The following ICAM2 variants were observed in gnomAD, a reference collection of about 807,000 sequenced individuals.
ICAM2 encodes ICAM-2.
A neutral mutation model predicts 19.1 loss-of-function variants in ICAM2; 14 were observed. The observed-to-expected ratio is 0.73, with a 90% CI of 0.48 to 1.15. The LOEUF (loss-of-function observed/expected upper bound fraction) is 1.15, where lower values mean the gene tolerates loss of function less well. ICAM2 is among the 50% of genes most tolerant of loss of function. The pLI is 0.00. For synonymous variants in ICAM2, 153 were observed against 152.7 expected (o/e 1.00, Z -0.01); for missense variants, 311 against 355.4 (o/e 0.88, Z 1.00).
Position 64,014,572 on chromosome 17 carries a change from AAAGG to A in ICAM2, c.-45+5947_-45+5950del, listed in dbSNP as rs767997641. 9.2e-3 allele frequency among the ~76,000 whole-genome samples: 1,298 copies of A among 140,770 alleles called. 18 individuals carry two copies. The highest frequency in any genetic ancestry group is 0.024 in the African/African-American group (916 of 38,076). 92.4% of individuals were successfully genotyped at this position (140,770 alleles called of 152,430 possible). A position where few individuals can be genotyped will look rare whatever the true frequency, so the allele number is the denominator to read the frequency against. On this transcript the variant is annotated intron_variant, in intron 1 of 4. Coordinates refer to ENST00000579788, the MANE Select transcript of ICAM2 (RefSeq NM_001099789.2). ...GGAAGGAAGAAAGAAAGAGAGAGAG[AAAGG>A]AAGGAAGGAAGGAAGAAAGAAAGAA...
intron 1 of ICAM2, among the ~76,000 whole-genome samples, chr17:64,016,553 T>C (rs7222166): frequency 0.92 from 139,386 of 152,298 alleles, 65,098 homozygotes; most frequent in East Asian, 1. Flanking sequence ...ATGCGATCCT[T>C]ACCCAGTTGG....
intron 1 of ICAM2, among the ~76,000 whole-genome samples, chr17:64,015,456 A>T (rs1911683330): frequency 6.6e-6 from 1 of 152,196 alleles, no homozygotes; most frequent in South Asian, 2.1e-4. Flanking sequence ...AGTGGCTCAC[A>T]GGTAATTCCA....
chr17:64,008,635 T>C (rs941874877), intron 1 of ICAM2, among the ~76,000 whole-genome samples: 1 of 152,176 alleles, frequency 6.6e-6, no homozygotes, highest in African/African-American at 2.4e-5. Flanking sequence ...CCATGAATGA[T>C]AGCCTGCCAT....
chr17:64,004,960 T>C, intron 3 of ICAM2, 147 bp downstream of exon 3: 1 of 891,642 alleles, frequency 1.1e-6, no homozygotes, highest in South Asian at 1.5e-5. Flanking sequence ...GCTGGCCTGG[T>C]CCTGCCCCTT....
chr17:64,014,718 GAAGGAAGAAAGAAAGA>G (rs1448993230), intron 1 of ICAM2, among the ~76,000 whole-genome samples: 81 of 9,622 alleles, frequency 8.4e-3, no homozygotes, highest in Non-Finnish European at 0.036. Context: ...AGGAAGGAAG[GAAGGAAGAAAGAAAGA>G]AAGAAAGAAA....
Position 64,002,655 on chromosome 17 carries a change from C to G in ICAM2, c.*92G>C. 8.5e-7 allele frequency: 1 copy of G among 1,178,858 alleles called. No individual in the cohort carries two copies. Among genetic ancestry groups the G allele is most frequent in the Non-Finnish European group, 1.2e-6 (1 of 828,424 alleles). The allele number at this position is 1,178,858 out of a possible 1,614,324, so 73.0% of individuals were successfully genotyped here. On this transcript the variant is annotated 3_prime_UTR_variant, in exon 5 of 5. Coordinates refer to ENST00000579788, the MANE Select transcript of ICAM2 (RefSeq NM_001099789.2). ...AATGTCCCAAGTCTCTGCTGCCTGTCACAGTCCTTCAGCCAGGGCTGGACC... is the reference window on the plus strand; with the variant it reads ...AATGTCCCAAGTCTCTGCTGCCTGTGACAGTCCTTCAGCCAGGGCTGGACC...
intron 1 of ICAM2, among the ~76,000 whole-genome samples, chr17:64,008,974 T>C (rs566677784): frequency 6.6e-6 from 1 of 152,266 alleles, no homozygotes; most frequent in East Asian, 1.9e-4. Flanking sequence ...CTGTGATGTC[T>C]CCCATCCTTC....
intron 1 of ICAM2, among the ~76,000 whole-genome samples, chr17:64,012,672 G>A (rs1911502988): frequency 6.6e-6 from 1 of 152,192 alleles, no homozygotes. Flanking sequence ...TGCACACCAA[G>A]TACTGTTGAA....
Position 64,005,520 on chromosome 17 carries a change from G to A in ICAM2, c.62-147C>T, listed in dbSNP as rs1234577067. 5.5e-6 allele frequency: 5 copies of A among 909,490 alleles called. No individual in the cohort carries two copies. In the East Asian group the frequency reaches 1.1e-4, roughly 19 times the overall value. 56.3% of individuals were successfully genotyped at this position (909,490 alleles called of 1,614,324 possible). On this transcript the variant is annotated intron_variant, in intron 2 of 4. Transcript: ENST00000579788. Reference sequence around the variant, plus strand: ...CCCCGCTGCTACTTTCCCCTTGTCAGGTGTCATGGCCCCGGCTAGACCAGG... The same window carrying A: ...CCCCGCTGCTACTTTCCCCTTGTCAAGTGTCATGGCCCCGGCTAGACCAGG...
rs1386016182 is a variant in ICAM2 at position 64,014,712 on chromosome 17, AG to A, written c.-45+5810del. Among the ~76,000 whole-genome samples the A allele has an allele frequency of 0.014, 116 of 8,468 alleles. No homozygotes were observed. In the South Asian group the frequency reaches 0.16, roughly 12 times the overall value. 5.6% of individuals were successfully genotyped at this position (8,468 alleles called of 152,430 possible). ...AAGGAAGGAAGGAAGGAAGGAAGGA[AG>A]GAAGGAAGGAAGAAAGAAAGAAAGA... On this transcript the variant is annotated intron_variant, in intron 1 of 4. Coordinates refer to ENST00000579788, the MANE Select transcript of ICAM2 (RefSeq NM_001099789.2).
rs1910989012 is a variant in ICAM2 at position 64,003,757 on chromosome 17, G to A, written c.536C>T (p.Ala179Val). ...GTTGCGGTGGCCATCCTCTCTGTCA[G>A]CCGTGCTGTTGAATGTGGCTGTGGC... ...QEATATFNSTADREDGHRNFS... is the reference protein window; with the variant it reads ...QEATATFNSTVDREDGHRNFS... The change falls in exon 4 of 5, where the codon GCT becomes GTT. Residue 179 changes from alanine to valine, a missense_variant. Coordinates refer to ENST00000579788, the MANE Select transcript of ICAM2 (RefSeq NM_001099789.2). 6.2e-7 allele frequency: 1 copy of A among 1,614,228 alleles called. No homozygotes were observed. The highest frequency in any genetic ancestry group is 8.5e-7 in the Non-Finnish European group (1 of 1,180,042).
chr17:64,018,333 C>CAAA lies in ICAM2; in HGVS notation c.-45+2187_-45+2189dup, dbSNP rs376250303. Among the ~76,000 whole-genome samples, 253 of 52,138 alleles carry CAAA rather than the reference C, an allele frequency of 4.9e-3. 4 individuals are homozygous for CAAA. The highest frequency in any genetic ancestry group is 0.017 in the Middle Eastern group (1 of 60). 34.2% of individuals were successfully genotyped at this position (52,138 alleles called of 152,430 possible). ...TGGGTGACAGAGTGAGACTCTATCT[C>CAAA]AAAAAAAAAAAAAAAAAAAAAAAAG... On this transcript the variant is annotated intron_variant, in intron 1 of 4. Transcript: ENST00000579788.
At chr17:64,003,089 C>T (rs904161073) in intron 4 of ICAM2, 164 bp from the exon 5 acceptor site, 50 of 601,756 alleles carry the variant, frequency 8.3e-5, no homozygotes, top group Non-Finnish European at 1.2e-4. Flanking sequence ...ATGGTGTCTG[C>T]ATTAAAATTA....
chr17:64,018,333 C>CAAAAAAAA (rs376250303), intron 1 of ICAM2, among the ~76,000 whole-genome samples: 4 of 52,702 alleles, frequency 7.6e-5, no homozygotes, highest in East Asian at 6.6e-4. Context: ...GACTCTATCT[C>CAAAAAAAA]AAAAAAAAAA....
At position 64,003,810 on chromosome 17, in the gene ICAM2, G is replaced by T. The variant is rs917341998; in HGVS notation, c.483C>A (p.Phe161Leu). ...CCTGCGGAGCAGGGGCTGCCTTCCC[G>T]AAGGTCTCATAGTGCAGAGTCTCAT... ...RGNETLHYET[F>L]GKAAPAPQEA... Residue 161 changes from phenylalanine (F) to leucine (L), a missense_variant, in exon 4 of 5, where the codon TTC (phenylalanine) becomes TTA (leucine). Phe to Leu is a conservative substitution (Grantham distance 22, BLOSUM62 0). Transcript: ENST00000579788. 2 of 1,614,104 alleles carry T rather than the reference G, an allele frequency of 1.2e-6. No individual in the cohort carries two copies. Among genetic ancestry groups the T allele is most frequent in the South Asian group, 1.1e-5 (1 of 91,094 alleles).
At chr17:64,010,666 C>T (rs1911415641) in intron 1 of ICAM2, among the ~76,000 whole-genome samples, 1 of 152,004 alleles carries the variant, frequency 6.6e-6, no homozygotes, top group Non-Finnish European at 1.5e-5. Flanking sequence ...TACAAATGTG[C>T]TTCAGTAAGA....
chr17:64,013,222 G>T (rs964980304), intron 1 of ICAM2, among the ~76,000 whole-genome samples: 2 of 152,304 alleles, frequency 1.3e-5, no homozygotes, highest in East Asian at 3.9e-4. Flanking sequence ...TGAGGCATGA[G>T]AATTGCCTGA....
rs1458563443 is a variant in ICAM2 at position 64,003,973 on chromosome 17, G to A, written c.329-9C>T. On this transcript the variant is annotated splice_polypyrimidine_tract_variant and intron_variant, in intron 3 of 4. Transcript: ENST00000579788. ...GACCTGCCTTGGAGGCTCTGCAGGG[G>A]ACAAAGGAGGGAGGTCTGGTCAGGA... is the stretch of plus-strand genomic sequence containing the variant. 6.3e-7 allele frequency: 1 copy of A among 1,598,732 alleles called. No homozygotes were observed. The highest frequency in any genetic ancestry group is 8.5e-7 in the Non-Finnish European group (1 of 1,172,466).
intron 1 of ICAM2, among the ~76,000 whole-genome samples, chr17:64,014,745 GAAAGAAAGAA>G (rs1911652444): frequency 1.5e-5 from 2 of 136,400 alleles, no homozygotes; most frequent in Admixed American, 7.3e-5. Flanking sequence ...AAGAAAGAAA[GAAAGAAAGAA>G]AGAAAGAAAG....
Sources: gnomAD v4.1 joint callset for allele counts (sites outside exome capture counted in the v4.1 genomes callset) on GRCh38, gnomAD v4.1.1 for gene constraint, MANE v1.5 for transcripts, NCBI Gene and HGNC (gene_info 2026-07-23, HGNC 2026-07-21) for gene names.